The following CFAP46 variants were observed in gnomAD, a reference collection of about 807,000 sequenced individuals.
CFAP46 encodes cilia- and flagella-associated protein 46.
A neutral mutation model predicts 325.7 loss-of-function variants in CFAP46; 245 were observed. The ratio of observed to expected loss-of-function variants is 0.75; its 90% confidence interval spans 0.68 to 0.84. The LOEUF (loss-of-function observed/expected upper bound fraction) is 0.84. Ranked by LOEUF, CFAP46 falls within the 40% of genes least tolerant of loss-of-function variation. The probability of loss-of-function intolerance (pLI) is 0.00; values close to 1 mark genes in which losing one functional copy is unlikely to be tolerated. For synonymous variants in CFAP46, 1,523 were observed against 1,495.9 expected (o/e 1.02, Z -0.42); for missense variants, 3,346 against 3,543.0 (o/e 0.94, Z 1.41).
intron 19 of CFAP46, among the ~76,000 whole-genome samples, chr10:132,911,149 C>T (rs1849535371): frequency 6.6e-6 from 1 of 152,252 alleles, no homozygotes; most frequent in African/African-American, 2.4e-5. Context: ...TCCGCAGCCT[C>T]CAGCCTGATC....
At chr10:132,845,063 G>A (rs933556940) in intron 44 of CFAP46, among the ~76,000 whole-genome samples, 4 of 152,184 alleles carry the variant, frequency 2.6e-5, no homozygotes, top group East Asian at 1.9e-4. Context: ...GACCACAGGC[G>A]CCCCCAACGC....
At position 132,833,518 on chromosome 10, in the gene CFAP46, G is replaced by C; in HGVS notation, c.6957C>G (p.Val2319=). ...CTATCTTATCGGCAACCTCAGGCTG[G>C]ACTGTGCCTGGGAAACAGCAGTGCA... ...RKTSTGQHST[V]QPEVADKIVL... Residue 2319 remains valine (V), a synonymous_variant, in exon 50 of 58, where the codon GTC becomes GTG. Coordinates refer to ENST00000368586, the MANE Select transcript of CFAP46 (RefSeq NM_001200049.3). 6.2e-7 allele frequency: 1 copy of C among 1,613,668 alleles called. No homozygotes were observed. Among genetic ancestry groups the C allele is most frequent in the Non-Finnish European group, 8.5e-7 (1 of 1,179,678 alleles).
rs749949620 is a variant in CFAP46 at position 132,869,139 on chromosome 10, C to T, written c.4610+135G>A. ...ACGACCCAGGAGAACCGGCCACAGCCGTGTCCCCCAAGTGCTCACTCTCCC... is the reference window on the plus strand; with the variant it reads ...ACGACCCAGGAGAACCGGCCACAGCTGTGTCCCCCAAGTGCTCACTCTCCC... On this transcript the variant is annotated intron_variant, in intron 33 of 57. Coordinates refer to ENST00000368586, the MANE Select transcript of CFAP46 (RefSeq NM_001200049.3). This position sits in a 1 kb window ranked among gnomAD's most constrained non-coding sequence, Gnocchi z 6.2. 5 of 628,832 alleles carry T rather than the reference C, an allele frequency of 8.0e-6. No individual in the cohort carries two copies. Among genetic ancestry groups the T allele is most frequent in the Middle Eastern group, 4.6e-4 (1 of 2,160 alleles). The allele number at this position is 628,832 out of a possible 1,614,324, so 39.0% of individuals were successfully genotyped here.
chr10:132,816,865 T>C (rs1220339461), intron 50 of CFAP46, among the ~76,000 whole-genome samples: 2 of 152,198 alleles, frequency 1.3e-5, no homozygotes, highest in Non-Finnish European at 2.9e-5. Context: ...CGGGAACTGC[T>C]TTCTACCCTC....
At position 132,850,370 on chromosome 10, in the gene CFAP46, C is replaced by T; in HGVS notation, c.5826G>A (p.Gln1942=). The T allele has an allele frequency of 7.0e-6, 11 of 1,570,950 alleles. No individual in the cohort carries two copies. Among genetic ancestry groups the T allele is most frequent in the Non-Finnish European group, 9.5e-6 (11 of 1,157,768 alleles). ...HGALAQLGSL[Q]PLSVGCVEIR... is the part of the protein sequence containing the mutation. ...TCTCCACACAGCCCACGCTCAGCGG[C>T]TGCAGGCTCCCCAGCTGTGCCAGTG... The change falls in exon 41 of 58, where the codon CAG becomes CAA. Residue 1942 remains glutamine (Q), a synonymous_variant. Transcript: ENST00000368586.
At chr10:132,823,665 G>A (rs1314350793) in intron 50 of CFAP46, among the ~76,000 whole-genome samples, 33 of 121,580 alleles carry the variant, frequency 2.7e-4, no homozygotes, top group South Asian at 1.0e-3. Context: ...TGCTGTGTGC[G>A]CTGATGTGTG....
chr10:132,899,569 G>A lies in CFAP46; in HGVS notation c.3022C>T (p.Leu1008=). The change falls in exon 23 of 58, where the codon CTG becomes TTG. Residue 1008 remains leucine (L), a synonymous_variant. Transcript: ENST00000368586. ...TCCGTGAAGGCCTTGGCTGCCACCA[G>A]TCGCAGCTGCTTCCGGCCCTTCAGG... is the stretch of plus-strand genomic sequence containing the variant. The part of the protein sequence containing the change: ...ENLKGRKQLR[L]VAAKAFTESA... 1.3e-6 allele frequency: 2 copies of A among 1,549,552 alleles called. No individual in the cohort carries two copies. The highest frequency in any genetic ancestry group is 1.7e-6 in the Non-Finnish European group (2 of 1,146,920).
In CFAP46 at chr10:132,811,126, G is replaced by C; in HGVS notation, c.7502-95C>G. The C allele has an allele frequency of 2.9e-6, 3 of 1,039,606 alleles. No homozygotes were observed. In the Admixed American group the frequency reaches 6.2e-5, roughly 21 times the overall value. The allele number at this position is 1,039,606 out of a possible 1,614,324, so 64.4% of individuals were successfully genotyped here. On this transcript the variant is annotated intron_variant, in intron 55 of 57. Coordinates refer to ENST00000368586, the MANE Select transcript of CFAP46 (RefSeq NM_001200049.3). ...GTGGGGCCTGTGCCCCAAGGGCGCA[G>C]CAGGGCATGGCACGCTGGCCACTCA... is the stretch of plus-strand genomic sequence containing the variant.
At chr10:132,816,421 T>A (rs1389163347) in intron 50 of CFAP46, among the ~76,000 whole-genome samples, 1 of 141,534 alleles carries the variant, frequency 7.1e-6, no homozygotes, top group Non-Finnish European at 1.5e-5. Context: ...AAGCTCCACC[T>A]CCCGGGTTCA....
intron 39 of CFAP46, among the ~76,000 whole-genome samples, chr10:132,854,525 G>C (rs929145102): frequency 6.6e-6 from 1 of 152,058 alleles, no homozygotes; most frequent in Non-Finnish European, 1.5e-5. Flanking sequence ...TTTTAGTGGA[G>C]ATGGGGTTTC....
chr10:132,830,687 C>T (rs1848134205), intron 50 of CFAP46, among the ~76,000 whole-genome samples: 2 of 152,112 alleles, frequency 1.3e-5, no homozygotes, highest in Admixed American at 6.5e-5. Context: ...TTTTGTGTCT[C>T]TCTTTTTTCC....
At chr10:132,915,584 C>T (rs61863090) in intron 17 of CFAP46, among the ~76,000 whole-genome samples, 4,974 of 151,402 alleles carry the variant, frequency 0.033, 102 homozygotes, top group Non-Finnish European at 0.039. Flanking sequence ...CCCGAGGGAC[C>T]GGTGAGGGCG....
At chr10:132,833,949 C>T (rs3750583) in intron 49 of CFAP46, 92 bp downstream of exon 49, 749,974 of 1,196,738 alleles carry the variant, frequency 0.63, 239,493 homozygotes, top group African/African-American at 0.83. Flanking sequence ...CTGACCCCCC[C>T]TGGCGTTCCC....
chr10:132,869,154 C>T lies in CFAP46; in HGVS notation c.4610+120G>A, dbSNP rs1246062217. 3 of 744,522 alleles carry T rather than the reference C, an allele frequency of 4.0e-6. No homozygotes were observed. Among genetic ancestry groups the T allele is most frequent in the African/African-American group, 3.7e-5 (2 of 54,322 alleles). The allele number at this position is 744,522 out of a possible 1,614,324, so 46.1% of individuals were successfully genotyped here. The stretch of plus-strand genomic sequence containing the variant: ...CGGCCACAGCCGTGTCCCCCAAGTG[C>T]TCACTCTCCCCAGAGGGGCAGGAGT... On this transcript the variant is annotated intron_variant, in intron 33 of 57. Transcript: ENST00000368586. This position sits in a 1 kb window ranked among gnomAD's most constrained non-coding sequence, Gnocchi z 6.2.
intron 4 of CFAP46, 81 bp downstream of exon 4, chr10:132,940,915 A>G: frequency 6.5e-6 from 9 of 1,393,130 alleles, no homozygotes; most frequent in Non-Finnish European, 9.2e-6. Context: ...CACAGTTCAA[A>G]TAAATACACC....
At chr10:132,825,199 CTGTGTGCTGTGTGTGTGCCCTGA>C (rs1425145415) in intron 50 of CFAP46, among the ~76,000 whole-genome samples, 5,705 of 133,474 alleles carry the variant, frequency 0.043, 161 homozygotes, top group Middle Eastern at 0.15. Context: ...GCTGTGTGCG[CTGTGTGCTGTGTGTGTGCCCTGA>C]TGTGTGCTGT....
Position 132,919,969 on chromosome 10 carries a change from G to A in CFAP46, c.1730+90C>T. The A allele has an allele frequency of 7.1e-7, 1 of 1,408,134 alleles. No homozygotes were observed. Among genetic ancestry groups the A allele is most frequent in the Admixed American group, 3.2e-5 (1 of 31,214 alleles). The allele number at this position is 1,408,134 out of a possible 1,614,324, so 87.2% of individuals were successfully genotyped here. A position where few individuals can be genotyped will look rare whatever the true frequency, so the allele number is the denominator to read the frequency against. ...CGAGTCCCCAGACGGCCACATGCAG[G>A]GTCAGCTCAGCCGCCACAGACACTG... is the stretch of plus-strand genomic sequence containing the variant. On this transcript the variant is annotated intron_variant, in intron 14 of 57. Coordinates refer to ENST00000368586, the MANE Select transcript of CFAP46 (RefSeq NM_001200049.3). This position sits in a 1 kb window ranked among gnomAD's most constrained non-coding sequence, Gnocchi z 9.7.
chr10:132,900,396 T>A (rs929963976), intron 22 of CFAP46, among the ~76,000 whole-genome samples: 8 of 152,222 alleles, frequency 5.3e-5, no homozygotes, highest in Admixed American at 6.5e-5. Flanking sequence ...CCACACACAC[T>A]AAGGCAGGAT....
Position 132,892,415 on chromosome 10 carries a change from C to A in CFAP46, c.3222G>T (p.Glu1074Asp). ...GGTGCAGAAGCAGCGTCTTTCCTTT[C>A]TCCTAAAGTAACGCAAGTAAACGAC... ...IINKTEARKQEKGKTLLLHQW... is the reference protein window; with the variant it reads ...IINKTEARKQDKGKTLLLHQW... Residue 1074 changes from glutamate to aspartate, a missense_variant and splice_region_variant, in exon 25 of 58, where the codon GAG becomes GAT. Glu to Asp is a conservative substitution (Grantham distance 45). Transcript: ENST00000368586. The A allele has an allele frequency of 2.6e-6, 4 of 1,550,750 alleles. No homozygotes were observed. Among genetic ancestry groups the A allele is most frequent in the Non-Finnish European group, 2.6e-6 (3 of 1,147,022 alleles).
Sources: allele counts gnomAD v4.1 joint callset (sites outside exome capture counted in the v4.1 genomes callset), GRCh38; gene constraint gnomAD v4.1.1; non-coding constraint Gnocchi (gnomAD v3.1); transcripts MANE v1.5; gene names NCBI Gene and HGNC (gene_info 2026-07-23, HGNC 2026-07-21).